AK9: variants seen among roughly 807,000 people sequenced by gnomAD.
AK9 encodes the protein adenylate kinase 9, also known as adenylate kinase domain containing 1.
A neutral mutation model predicts 239.6 loss-of-function variants in AK9; 191 were observed. That is an observed-to-expected ratio of 0.80 (90% CI 0.71 to 0.90). The LOEUF (loss-of-function observed/expected upper bound fraction) is 0.90, where lower values mean the gene tolerates loss of function less well. AK9 is among the 40% of genes least tolerant of loss of function. The probability of loss-of-function intolerance (pLI) is 0.00; values close to 1 mark genes in which losing one functional copy is unlikely to be tolerated. For synonymous variants in AK9, 689 were observed against 721.0 expected (o/e 0.96, Z 0.71); for missense variants, 1,995 against 2,214.7 (o/e 0.90, Z 1.99).
Position 109,520,115 on chromosome 6 carries a change from G to T in AK9, c.3634-3473C>A, listed in dbSNP as rs560482144. Among the ~76,000 whole-genome samples the T allele has an allele frequency of 2.6e-5, 4 of 152,086 alleles. No homozygotes were observed. The South Asian group carries it at 8.3e-4, about 32-fold the overall frequency. On this transcript the variant is annotated intron_variant, in intron 29 of 40. Coordinates refer to ENST00000424296, the MANE Select transcript of AK9 (RefSeq NM_001145128.3). ...AAGCTCCATAGTCTTAGGTCCTTGTGGGAGCTAAGCTCCCACTTGTCAATT... is the reference window on the plus strand; with the variant it reads ...AAGCTCCATAGTCTTAGGTCCTTGTTGGAGCTAAGCTCCCACTTGTCAATT...
Position 109,516,562 on chromosome 6 carries a change from A to T in AK9, c.3714T>A (p.Asp1238Glu), listed in dbSNP as rs768651944. ...TCTCTTCCTCATCTTTTGGAAACTC[A>T]TCTTCAAGGATGTTTTCAATATCAT... ...DNDDIENILE[D>E]EFPKDEEEMS... Residue 1238 changes from aspartate (D) to glutamate (E), a missense_variant, in exon 30 of 41, where the codon GAT (aspartate) becomes GAA (glutamate). Around this residue, in one of 5 missense-constraint regions of AK9, gnomAD observed 1,290 missense variants for 1,392.7 expected, o/e 0.93. Transcript: ENST00000424296. 6.4e-7 allele frequency: 1 copy of T among 1,551,358 alleles called. No homozygotes were observed. Among genetic ancestry groups the T allele is most frequent in the Admixed American group, 2.0e-5 (1 of 51,004 alleles).
intron 32 of AK9, among the ~76,000 whole-genome samples, chr6:109,511,244 A>G (rs1448130138): frequency 1.3e-5 from 2 of 152,102 alleles, no homozygotes; most frequent in African/African-American, 4.8e-5. Flanking sequence ...CTTTCTGTCC[A>G]TTTATGGACT....
At chr6:109,502,656 CTCTT>C (rs1185191793) in intron 35 of AK9, among the ~76,000 whole-genome samples, 1 of 152,234 alleles carries the variant, frequency 6.6e-6, no homozygotes, top group Non-Finnish European at 1.5e-5. Flanking sequence ...AAGATGGACA[CTCTT>C]TCTTGCCCTT....
chr6:109,534,282 TTTTAA>T (rs1475631877), intron 27 of AK9, among the ~76,000 whole-genome samples: 1 of 150,024 alleles, frequency 6.7e-6, no homozygotes, highest in African/African-American at 2.4e-5. Flanking sequence ...AGAGCACTTA[TTTTAA>T]TTTATTTTAT....
intron 3 of AK9, among the ~76,000 whole-genome samples, chr6:109,672,988 G>A (rs1771160257): frequency 6.6e-6 from 1 of 152,194 alleles, no homozygotes; most frequent in Admixed American, 6.5e-5. Context: ...GAGGGGTCTT[G>A]AGGCTGAAAT....
rs1800134299 is a variant in AK9, at chr6:109,659,422, C to A, written c.445-9G>T. On this transcript the variant is annotated splice_polypyrimidine_tract_variant and intron_variant, in intron 6 of 40. Transcript: ENST00000424296. Reference sequence around the variant, plus strand: ...AAATCATAGTCAGGACACTAAGAAACAACATTATTAAATCACTTAAAACAT... The same window carrying A: ...AAATCATAGTCAGGACACTAAGAAAAAACATTATTAAATCACTTAAAACAT... 4 of 1,586,032 alleles carry A rather than the reference C, an allele frequency of 2.5e-6. No individual in the cohort carries two copies. In the East Asian group the frequency reaches 9.0e-5, roughly 36 times the overall value.
intron 5 of AK9, among the ~76,000 whole-genome samples, chr6:109,669,454 C>G (rs1259705422): frequency 2.0e-5 from 3 of 151,986 alleles, no homozygotes. Flanking sequence ...AGAGGGCATC[C>G]CTGTCTTGTG....
intron 29 of AK9, among the ~76,000 whole-genome samples, chr6:109,518,319 C>T (rs1779477095): frequency 6.6e-6 from 1 of 152,012 alleles, no homozygotes; most frequent in African/African-American, 2.4e-5. Flanking sequence ...CTCCTTACGA[C>T]TTGTTCCTTT....
chr6:109,564,944 G>T, intron 21 of AK9, 99 bp from the exon 22 acceptor site: 2 of 904,940 alleles, frequency 2.2e-6, no homozygotes, highest in Non-Finnish European at 3.2e-6. Flanking sequence ...AGCTTAAATT[G>T]TATATGAAAT....
chr6:109,556,110 C>G (rs922873731), intron 24 of AK9, among the ~76,000 whole-genome samples: 3 of 152,048 alleles, frequency 2.0e-5, no homozygotes, highest in African/African-American at 7.3e-5. Context: ...TGTCATTGGT[C>G]TTTATATTTT....
chr6:109,660,358 G>C (rs1450822392), intron 6 of AK9, among the ~76,000 whole-genome samples: 1 of 152,152 alleles, frequency 6.6e-6, no homozygotes, highest in African/African-American at 2.4e-5. Flanking sequence ...AGCTCCTCTT[G>C]TCATTTATTA....
At chr6:109,612,824 G>T (rs1583254153) in intron 15 of AK9, among the ~76,000 whole-genome samples, 1 of 151,252 alleles carries the variant, frequency 6.6e-6, no homozygotes, top group East Asian at 1.9e-4. Flanking sequence ...AATGATAGAT[G>T]CACTTTAAAA....
At chr6:109,596,539 T>C (rs1275786438) in intron 17 of AK9, among the ~76,000 whole-genome samples, 4 of 152,224 alleles carry the variant, frequency 2.6e-5, no homozygotes, top group Non-Finnish European at 5.9e-5. Context: ...AGGATGCTGC[T>C]GCACCAAGAT....
At position 109,533,345 on chromosome 6, in the gene AK9, C is replaced by A. The variant is rs774061625; in HGVS notation, c.3476G>T (p.Arg1159Leu). Residue 1159 changes from arginine to leucine, a missense_variant, in exon 28 of 41, where the codon CGC becomes CTC. Arg to Leu is a moderately radical substitution (Grantham distance 102). This residue lies in a region of AK9 where 1,290 missense variants were observed against 1,392.7 expected (regional missense o/e 0.93). Transcript: ENST00000424296. ...CTTTTCAATTTGGGCAGGAAGGAGG[C>A]GATCAAAAATATCTTGATCATCAAC... ...IQVDDQDIFD[R>L]LLPAQIEKWK... 4.3e-6 allele frequency: 7 copies of A among 1,611,106 alleles called. No individual in the cohort carries two copies. Among genetic ancestry groups the A allele is most frequent in the Non-Finnish European group, 5.9e-6 (7 of 1,178,810 alleles).
At chr6:109,626,373 G>A (rs143521262) in intron 12 of AK9, among the ~76,000 whole-genome samples, 98 of 152,126 alleles carry the variant, frequency 6.4e-4, no homozygotes, top group Middle Eastern at 3.4e-3. Flanking sequence ...GTCTTGTAAC[G>A]TTTCATTACA....
chr6:109,595,015 TAATTA>T (rs1490716959), intron 17 of AK9, among the ~76,000 whole-genome samples: 7 of 152,196 alleles, frequency 4.6e-5, no homozygotes, highest in African/African-American at 1.7e-4. Context: ...AAATGGGATC[TAATTA>T]AATTAAAGAG....
At chr6:109,583,956 A>T (rs1472104680) in intron 19 of AK9, among the ~76,000 whole-genome samples, 1 of 152,160 alleles carries the variant, frequency 6.6e-6, no homozygotes, top group Non-Finnish European at 1.5e-5. Flanking sequence ...ATTATAGCTG[A>T]TCTGTAGATT....
At chr6:109,576,437 T>TTTTTTTTTTA (rs1788092685) in intron 20 of AK9, among the ~76,000 whole-genome samples, 2 of 146,412 alleles carry the variant, frequency 1.4e-5, no homozygotes, top group Non-Finnish European at 3.0e-5. Context: ...TTTTTTTTTT[T>TTTTTTTTTTA]GCAGCTGTTG....
At chr6:109,579,374 G>A in intron 20 of AK9, 176 bp downstream of exon 20, 1 of 571,072 alleles carries the variant, frequency 1.8e-6, no homozygotes, top group East Asian at 3.0e-5. Context: ...TATACAAACT[G>A]GAACACTTTA....
Sources: allele counts gnomAD v4.1 joint callset (sites outside exome capture counted in the v4.1 genomes callset), GRCh38; gene constraint gnomAD v4.1.1; regional missense constraint gnomAD v4.1.1; transcripts MANE v1.5; gene names NCBI Gene and HGNC (gene_info 2026-07-23, HGNC 2026-07-21).